TRAK1: variants seen among roughly 807,000 people sequenced by gnomAD.
TRAK1 encodes trafficking kinesin-binding protein 1.
TRAK1 carries 33 observed loss-of-function variants against 92.1 expected under a neutral mutation model. The observed-to-expected ratio is 0.36, with a 90% CI of 0.27 to 0.48. The LOEUF (loss-of-function observed/expected upper bound fraction) is 0.48, where lower values mean the gene tolerates loss of function less well. Among genes scored for constraint, TRAK1 ranks in the 20% least tolerant of loss-of-function variants. TRAK1 has a pLI of 0.99. For synonymous variants in TRAK1, 521 were observed against 517.3 expected, an observed-to-expected ratio of 1.01 and a Z score of -0.10; for missense variants, 1,123 against 1,257.9, an observed-to-expected ratio of 0.89 and a Z score of 1.62.
intron 2 of TRAK1, among the ~76,000 whole-genome samples, chr3:42,162,920 T>A (rs531417584): frequency 3.9e-5 from 6 of 152,292 alleles, no homozygotes; most frequent in South Asian, 4.1e-4. Context: ...TAAACTTTTT[T>A]AAAAAACCAA....
At chr3:42,180,127 A>G (rs190804307) in intron 3 of TRAK1, among the ~76,000 whole-genome samples, 8 of 152,298 alleles carry the variant, frequency 5.3e-5, no homozygotes, top group African/African-American at 1.9e-4. Context: ...CTCAAAGAAA[A>G]ACCCAACCAG....
intron 2 of TRAK1, among the ~76,000 whole-genome samples, chr3:42,143,035 G>A (rs1402803727): frequency 6.6e-6 from 1 of 152,172 alleles, no homozygotes; most frequent in Non-Finnish European, 1.5e-5. Flanking sequence ...TCTACAAGGA[G>A]CCCTGTTAAG....
intron 2 of TRAK1, chr3:42,149,701 G>A (rs1036380734): frequency 2.6e-5 from 38 of 1,447,854 alleles, no homozygotes; most frequent in Middle Eastern, 1.9e-4. Context: ...GGCGGCTGGC[G>A]GGTGGGAGGT....
chr3:42,149,474 G>A, intron 2 of TRAK1: 1 of 1,535,494 alleles, frequency 6.5e-7, no homozygotes, highest in East Asian at 2.4e-5. Context: ...AGGCATGGCA[G>A]CGTTTTACTT....
intron 1 of TRAK1, among the ~76,000 whole-genome samples, chr3:42,040,461 T>C (rs1010593661): frequency 6.6e-6 from 1 of 152,114 alleles, no homozygotes; most frequent in Non-Finnish European, 1.5e-5. Context: ...GAGGGAGGGG[T>C]CCAACTTTGT....
chr3:42,172,136 A>G (rs1702645300), intron 2 of TRAK1, among the ~76,000 whole-genome samples: 1 of 152,178 alleles, frequency 6.6e-6, no homozygotes, highest in South Asian at 2.1e-4. Flanking sequence ...GGATTCTCCC[A>G]AACCAAAAAT....
rs191916096 is a variant in TRAK1, at chr3:42,163,649, C to A, written c.287-13165C>A. ...AATCAGAAACTGGGGTGGGACCAAG[C>A]AAGCTGGGTTTTAACACGCCCTCTG... is the stretch of plus-strand genomic sequence containing the variant. On this transcript the variant is annotated intron_variant, in intron 2 of 15. Transcript: ENST00000327628. 2.6e-3 allele frequency among the ~76,000 whole-genome samples: 391 copies of A among 152,120 alleles called. 3 individuals carry two copies. The highest frequency in any genetic ancestry group is 3.9e-3 in the Non-Finnish European group (267 of 68,022).
intron 2 of TRAK1, among the ~76,000 whole-genome samples, chr3:42,130,192 A>G (rs1419743857): frequency 6.6e-6 from 1 of 152,140 alleles, no homozygotes; most frequent in African/African-American, 2.4e-5. Flanking sequence ...GTAGTCACAT[A>G]ACACGCAGCA....
chr3:42,046,703 A>G (rs1002098608), intron 1 of TRAK1, among the ~76,000 whole-genome samples: 3 of 152,234 alleles, frequency 2.0e-5, no homozygotes, highest in African/African-American at 7.2e-5. Context: ...AGTCTGATGT[A>G]GACTAGAAGG....
chr3:42,149,609 G>A, intron 2 of TRAK1: 2 of 1,535,950 alleles, frequency 1.3e-6, no homozygotes, highest in Non-Finnish European at 1.7e-6. Flanking sequence ...GGTAATTATG[G>A]CCCCTGCAAA....
Position 42,189,009 on chromosome 3 carries a change from C to G in TRAK1, c.582-7C>G, listed in dbSNP as rs368538418. The G allele has an allele frequency of 2.5e-6, 4 of 1,603,910 alleles. No homozygotes were observed. In the East Asian group the frequency reaches 8.9e-5, roughly 36 times the overall value. The stretch of plus-strand genomic sequence containing the variant: ...TCCCTAGGTTGTGAGCGTACTTTCT[C>G]CCCCAGGTTGAAGAGGAATGAGTCG... On this transcript the variant is annotated splice_region_variant and splice_polypyrimidine_tract_variant and intron_variant, in intron 5 of 15. Coordinates refer to ENST00000327628, the MANE Select transcript of TRAK1 (RefSeq NM_001042646.3).
rs562629180 is a variant in TRAK1, at chr3:42,223,190, C to T, written c.2315C>T (p.Thr772Met). 583 of 1,614,148 alleles carry T rather than the reference C, an allele frequency of 3.6e-4. 9 individuals are homozygous for T. In the South Asian group the frequency reaches 5.8e-3, roughly 16 times the overall value. The stretch of plus-strand genomic sequence containing the variant: ...CGGGGCTCCCTCCTGCACTCCTACA[C>T]GCCCAAGATGGCTGTGATCCCCTCT... ...AGRGSLLHSY[T>M]PKMAVIPSTP... Residue 772 changes from threonine (T) to methionine (M), a missense_variant, in exon 16 of 16, where the codon ACG (threonine) becomes ATG (methionine). Transcript: ENST00000327628. This position sits in a 1 kb window ranked among gnomAD's most constrained non-coding sequence, Gnocchi z 6.1.
intron 1 of TRAK1, among the ~76,000 whole-genome samples, chr3:42,043,377 T>C (rs950052125): frequency 6.6e-6 from 1 of 151,684 alleles, no homozygotes; most frequent in African/African-American, 2.4e-5. Context: ...CTCACCCTCT[T>C]CTTTCCCTCC....
intron 2 of TRAK1, among the ~76,000 whole-genome samples, chr3:42,162,486 A>G (rs1310230302): frequency 1.3e-5 from 2 of 152,048 alleles, no homozygotes; most frequent in Non-Finnish European, 2.9e-5. Context: ...CCTGAAGTAG[A>G]CGGCTTGAGA....
intron 1 of TRAK1, among the ~76,000 whole-genome samples, chr3:42,112,611 T>C (rs1261028099): frequency 6.7e-6 from 1 of 148,958 alleles, no homozygotes; most frequent in African/African-American, 2.5e-5. Context: ...CACACGTACC[T>C]GTAATCCCAG....
At chr3:42,015,835 G>A (rs1701501119) in intron 1 of TRAK1, among the ~76,000 whole-genome samples, 3 of 151,998 alleles carry the variant, frequency 2.0e-5, no homozygotes, top group African/African-American at 4.8e-5. Flanking sequence ...TCAGGAGTTC[G>A]AGACCAGCCT....
intron 13 of TRAK1, among the ~76,000 whole-genome samples, chr3:42,204,782 A>G (rs985530131): frequency 2.0e-5 from 3 of 151,996 alleles, no homozygotes; most frequent in African/African-American, 7.3e-5. Context: ...GGGTCTTACT[A>G]TGTTGCCTAG....
chr3:42,211,834 A>G (rs1176058286), intron 14 of TRAK1: 1 of 985,322 alleles, frequency 1.0e-6, no homozygotes, highest in Non-Finnish European at 1.2e-6. Flanking sequence ...TGGCAAATTC[A>G]TCCTAGCAAC....
At chr3:42,039,406 C>T (rs1702450853) in intron 1 of TRAK1, among the ~76,000 whole-genome samples, 1 of 152,194 alleles carries the variant, frequency 6.6e-6, no homozygotes, top group Admixed American at 6.5e-5. Context: ...TTCTGTCACC[C>T]AGGCTGGAGT....
Sources: gnomAD v4.1 joint callset for allele counts (sites outside exome capture counted in the v4.1 genomes callset) on GRCh38, gnomAD v4.1.1 for gene constraint, Gnocchi (gnomAD v3.1) non-coding constraint, MANE v1.5 for transcripts, NCBI Gene and HGNC (gene_info 2026-07-23, HGNC 2026-07-21) for gene names.